Variants in NEO1 observed in about 807,000 individuals in gnomAD.
NEO1 encodes neogenin 1.
Under a neutral mutation model 159.7 loss-of-function variants are expected in NEO1, and 63 were observed. That is an observed-to-expected ratio of 0.39 (90% CI 0.32 to 0.49). The LOEUF (loss-of-function observed/expected upper bound fraction) is 0.49. NEO1 is among the 20% of genes least tolerant of loss of function. The pLI is 0.85. For missense variants in NEO1, 1,615 were observed against 1,831.0 expected (o/e 0.88, Z 2.15); for synonymous variants, 633 against 662.0 (o/e 0.96, Z 0.67).
At chr15:73,173,674 C>A (rs1172644968) in intron 5 of NEO1, among the ~76,000 whole-genome samples, 1 of 152,072 alleles carries the variant, frequency 6.6e-6, no homozygotes, top group Non-Finnish European at 1.5e-5. Flanking sequence ...AACTTTGTTA[C>A]AATAGATGCC....
intron 7 of NEO1, among the ~76,000 whole-genome samples, chr15:73,227,463 T>C (rs904862875): frequency 1.3e-5 from 2 of 152,142 alleles, no homozygotes; most frequent in East Asian, 3.9e-4. Context: ...ACCACTGCAC[T>C]CCAGCCTGGG....
chr15:73,249,275 T>G (rs559079567), intron 10 of NEO1, 67 bp downstream of exon 10: 3 of 1,522,468 alleles, frequency 2.0e-6, no homozygotes, highest in South Asian at 1.2e-5. Context: ...TTTCCAAAAC[T>G]CAGTAGTTGC....
intron 22 of NEO1, among the ~76,000 whole-genome samples, chr15:73,278,843 C>A (rs2041541108): frequency 6.6e-6 from 1 of 152,144 alleles, no homozygotes; most frequent in African/African-American, 2.4e-5. Flanking sequence ...GTCCTAGGAC[C>A]AAAACCCAGG....
At chr15:73,208,367 A>G (rs1370800397) in intron 7 of NEO1, among the ~76,000 whole-genome samples, 1 of 152,224 alleles carries the variant, frequency 6.6e-6, no homozygotes, top group African/African-American at 2.4e-5. Context: ...TGGAATTACA[A>G]ATTTTACCTG....
At chr15:73,272,592 G>T (rs773915955) in intron 19 of NEO1, 30 bp downstream of exon 19, 1 of 1,445,668 alleles carries the variant, frequency 6.9e-7, no homozygotes, top group Non-Finnish European at 9.7e-7. Flanking sequence ...GCATTTCTTT[G>T]TGCGCTCTTC....
rs2041106136 is a variant in NEO1 at position 73,270,181 on chromosome 15, G to A, written c.2666G>A (p.Arg889Gln). ...AAGCACCAGAAGATTACAGACTCCC[G>A]ATACTACACCGTCCGATGGAAAACC... ...LPKHQKITDSRYYTVRWKTNI... is the reference protein window; with the variant it reads ...LPKHQKITDSQYYTVRWKTNI... Residue 889 changes from arginine (R) to glutamine (Q), a missense_variant, in exon 17 of 29, where the codon CGA (arginine) becomes CAA (glutamine). Arg to Gln is a conservative substitution (Grantham distance 43, BLOSUM62 1). Around this residue, in one of 3 missense-constraint regions of NEO1, gnomAD observed 1,018 missense variants for 1,115.4 expected, o/e 0.91. Coordinates refer to ENST00000261908, the MANE Select transcript of NEO1 (RefSeq NM_002499.4). 1.2e-6 allele frequency: 2 copies of A among 1,613,776 alleles called. No individual in the cohort carries two copies. The highest frequency in any genetic ancestry group is 1.1e-5 in the South Asian group (1 of 91,042).
intron 1 of NEO1, among the ~76,000 whole-genome samples, chr15:73,061,867 T>C (rs2067996078): frequency 6.6e-6 from 1 of 152,234 alleles, no homozygotes; most frequent in Non-Finnish European, 1.5e-5. Flanking sequence ...TGTGTATAAA[T>C]TTATGAGTTG....
chr15:73,062,296 T>C (rs1209262075), intron 1 of NEO1, among the ~76,000 whole-genome samples: 1 of 152,246 alleles, frequency 6.6e-6, no homozygotes, highest in Non-Finnish European at 1.5e-5. Context: ...TTATTGATGG[T>C]TTATATTGTT....
chr15:73,281,624 C>A (rs1567685624), intron 22 of NEO1, among the ~76,000 whole-genome samples: 1 of 152,118 alleles, frequency 6.6e-6, no homozygotes, highest in South Asian at 2.1e-4. Flanking sequence ...CCACAACATC[C>A]CACGCTGGCA....
At chr15:73,080,462 A>G (rs914515073) in intron 1 of NEO1, among the ~76,000 whole-genome samples, 1 of 152,172 alleles carries the variant, frequency 6.6e-6, no homozygotes, top group African/African-American at 2.4e-5. Context: ...AGGCTCTAGC[A>G]GTGTAGTGTG....
chr15:73,245,556 T>C (rs922699926), intron 9 of NEO1, among the ~76,000 whole-genome samples: 2 of 152,088 alleles, frequency 1.3e-5, no homozygotes, highest in African/African-American at 2.4e-5. Context: ...TAACACAAAT[T>C]ACTGTTTTTC....
At chr15:73,296,041 C>T (rs576813) in intron 26 of NEO1, among the ~76,000 whole-genome samples, 60,058 of 151,992 alleles carry the variant, frequency 0.4, 11,980 homozygotes, top group East Asian at 0.54. Flanking sequence ...CTGGGGCCCC[C>T]GGAGTTGTGC....
At chr15:73,295,166 A>G (rs926017869) in intron 26 of NEO1, among the ~76,000 whole-genome samples, 6 of 142,806 alleles carry the variant, frequency 4.2e-5, no homozygotes, top group African/African-American at 1.3e-4. Context: ...CCTTTCTACT[A>G]TCTCCCTCCA....
chr15:73,187,432 T>C (rs890169020), intron 7 of NEO1, among the ~76,000 whole-genome samples: 1 of 152,200 alleles, frequency 6.6e-6, no homozygotes, highest in African/African-American at 2.4e-5. Context: ...TTTAAAAAAT[T>C]TTAAGTGAAA....
At chr15:73,148,603 A>G (rs1037119253) in intron 5 of NEO1, among the ~76,000 whole-genome samples, 1 of 152,262 alleles carries the variant, frequency 6.6e-6, no homozygotes, top group African/African-American at 2.4e-5. Context: ...ACACACAGGA[A>G]TGGGGTCTTA....
chr15:73,079,900 T>C (rs2068956866), intron 1 of NEO1, among the ~76,000 whole-genome samples: 1 of 152,242 alleles, frequency 6.6e-6, no homozygotes, highest in Non-Finnish European at 1.5e-5. Context: ...TTTCTTCTAA[T>C]AGTGATAGGG....
At chr15:73,189,456 C>T (rs1345802102) in intron 7 of NEO1, among the ~76,000 whole-genome samples, 2 of 152,214 alleles carry the variant, frequency 1.3e-5, no homozygotes, top group African/African-American at 2.4e-5. Flanking sequence ...TGTAGTCTGT[C>T]TTTGCTCTTC....
chr15:73,100,859 G>C (rs1291427929), intron 1 of NEO1, among the ~76,000 whole-genome samples: 1 of 152,018 alleles, frequency 6.6e-6, no homozygotes, highest in Non-Finnish European at 1.5e-5. Flanking sequence ...AGCTATTTCA[G>C]ATGTTTTCCA....
intron 28 of NEO1, 72 bp from the exon 29 acceptor site, chr15:73,302,541 G>A: frequency 2.9e-6 from 4 of 1,396,018 alleles, no homozygotes; most frequent in South Asian, 2.4e-5. Context: ...TGAGGCTTTG[G>A]CCTCTCTCTG....
Sources: gnomAD v4.1 joint callset for allele counts (sites outside exome capture counted in the v4.1 genomes callset) on GRCh38, gnomAD v4.1.1 for gene constraint, gnomAD v4.1.1 regional missense constraint, MANE v1.5 for transcripts, NCBI Gene and HGNC (gene_info 2026-07-23, HGNC 2026-07-21) for gene names.